The following NRG3 variants were observed in gnomAD, a reference collection of about 807,000 sequenced individuals.
NRG3 encodes the protein pro-neuregulin-3, membrane-bound isoform.
In NRG3, 31 loss-of-function variants were observed where a neutral mutation model predicts 66.9. The ratio of observed to expected loss-of-function variants is 0.46; its 90% CI spans 0.35 to 0.63. The LOEUF is 0.63. NRG3 is among the 20% of genes least tolerant of loss of function. NRG3 has a pLI of 0.00. For missense variants in NRG3, 910 were observed against 878.9 expected, an observed-to-expected ratio of 1.04 and a Z score of -0.45; for synonymous variants, 393 against 359.4, an observed-to-expected ratio of 1.09 and a Z score of -1.06.
At chr10:82,139,027 C>A (rs1029917976) in intron 1 of NRG3, among the ~76,000 whole-genome samples, 2 of 152,240 alleles carry the variant, frequency 1.3e-5, no homozygotes, top group East Asian at 3.9e-4. Flanking sequence ...ATCTTTCAAT[C>A]CAATCAAGTT....
intron 3 of NRG3, among the ~76,000 whole-genome samples, chr10:82,744,436 C>T (rs566700541): frequency 6.6e-6 from 1 of 152,266 alleles, no homozygotes; most frequent in African/African-American, 2.4e-5. Context: ...GAAGGCATGA[C>T]ACAACTCTCT....
chr10:82,095,956 T>A (rs1564557052), intron 1 of NRG3, among the ~76,000 whole-genome samples: 2 of 152,096 alleles, frequency 1.3e-5, no homozygotes, highest in Admixed American at 6.6e-5. Flanking sequence ...ATAAGTCTCA[T>A]ATGCAAATAA....
At chr10:82,828,597 C>A (rs2062361236) in intron 3 of NRG3, among the ~76,000 whole-genome samples, 1 of 152,130 alleles carries the variant, frequency 6.6e-6, no homozygotes, top group African/African-American at 2.4e-5. Flanking sequence ...CTTGCAGTTA[C>A]AAGAATGGAA....
At chr10:82,658,122 C>T (rs1015977283) in intron 2 of NRG3, among the ~76,000 whole-genome samples, 1 of 152,056 alleles carries the variant, frequency 6.6e-6, no homozygotes, top group African/African-American at 2.4e-5. Flanking sequence ...CCAATATTTT[C>T]CATGAACATA....
chr10:82,437,023 A>G (rs2090175572), intron 2 of NRG3, among the ~76,000 whole-genome samples: 1 of 151,824 alleles, frequency 6.6e-6, no homozygotes, highest in African/African-American at 2.4e-5. Flanking sequence ...CTTGGGGTTG[A>G]TCTTCTCATA....
chr10:82,985,218 C>T lies in NRG3; in HGVS notation c.1704C>T (p.Ser568=), dbSNP rs759817336. The T allele has an allele frequency of 1.2e-6, 2 of 1,614,126 alleles. No individual in the cohort carries two copies. The highest frequency in any genetic ancestry group is 2.2e-5 in the South Asian group (2 of 91,082). The change falls in exon 9 of 9, where the codon TCC becomes TCT. Residue 568 remains serine, a synonymous_variant. Transcript: ENST00000372141. ...LEQKDLVGYS[S]TRASSVPIIP... ...AAAAGGACCTGGTGGGCTATTCATC[C>T]ACAAGGGCCAGTTCTGTGCCCATCA...
At chr10:82,177,585 AT>A (rs74308498) in intron 1 of NRG3, among the ~76,000 whole-genome samples, 1 of 151,932 alleles carries the variant, frequency 6.6e-6, no homozygotes, top group African/African-American at 2.4e-5. Context: ...TCTTAGAATA[AT>A]TTTTTTTGAC....
At chr10:82,873,600 T>A (rs960166863) in intron 4 of NRG3, among the ~76,000 whole-genome samples, 1 of 152,190 alleles carries the variant, frequency 6.6e-6, no homozygotes, top group Admixed American at 6.5e-5. Context: ...GTGTGTGAAA[T>A]GTATCTCATT....
intron 1 of NRG3, among the ~76,000 whole-genome samples, chr10:82,013,694 T>G (rs2061673172): frequency 6.6e-6 from 1 of 151,992 alleles, no homozygotes; most frequent in Admixed American, 6.6e-5. Context: ...AATGTGTTTA[T>G]AGAATTTTAA....
intron 2 of NRG3, among the ~76,000 whole-genome samples, chr10:82,639,591 A>T (rs1300205250): frequency 1.3e-5 from 2 of 152,136 alleles, no homozygotes; most frequent in Non-Finnish European, 2.9e-5. Flanking sequence ...TTCTTTTCTA[A>T]TTTTCATTGA....
chr10:82,362,464 C>G (rs189999713), intron 2 of NRG3, among the ~76,000 whole-genome samples: 126 of 150,322 alleles, frequency 8.4e-4, no homozygotes, highest in African/African-American at 3.0e-3. Context: ...GCCTCAATCT[C>G]CTGAGCTCAG....
chr10:82,277,538 A>T (rs1336961765), intron 1 of NRG3, among the ~76,000 whole-genome samples: 1 of 152,104 alleles, frequency 6.6e-6, no homozygotes, highest in Non-Finnish European at 1.5e-5. Context: ...ATAAGGGAAT[A>T]TGGTAAAATT....
At chr10:82,798,029 A>G (rs2060875213) in intron 3 of NRG3, among the ~76,000 whole-genome samples, 1 of 152,206 alleles carries the variant, frequency 6.6e-6, no homozygotes, top group South Asian at 2.1e-4. Flanking sequence ...ATTATCCTCT[A>G]GAAGTGTATT....
intron 1 of NRG3, among the ~76,000 whole-genome samples, chr10:81,987,528 A>C (rs999312129): frequency 6.6e-6 from 1 of 152,244 alleles, no homozygotes; most frequent in African/African-American, 2.4e-5. Flanking sequence ...GAGAAATGAC[A>C]GTCAAGAGTG....
chr10:82,886,293 C>A (rs1406180021), intron 4 of NRG3, among the ~76,000 whole-genome samples: 1 of 152,170 alleles, frequency 6.6e-6, no homozygotes, highest in Non-Finnish European at 1.5e-5. Context: ...ATTTCCCTTA[C>A]TCATTTATCT....
intron 3 of NRG3, among the ~76,000 whole-genome samples, chr10:82,811,455 T>G (rs1327567864): frequency 1.3e-5 from 2 of 152,200 alleles, no homozygotes; most frequent in Non-Finnish European, 2.9e-5. Context: ...TTGTTTCTCC[T>G]GCAATGGTGA....
intron 3 of NRG3, among the ~76,000 whole-genome samples, chr10:82,803,352 G>A (rs1366458507): frequency 6.6e-6 from 1 of 152,274 alleles, no homozygotes; most frequent in East Asian, 1.9e-4. Context: ...GCGCTTATTT[G>A]TGTGGGACTC....
At chr10:82,250,967 T>C (rs1423007570) in intron 1 of NRG3, among the ~76,000 whole-genome samples, 1 of 152,232 alleles carries the variant, frequency 6.6e-6, no homozygotes, top group African/African-American at 2.4e-5. Context: ...GACAACGTTC[T>C]GGCTTGCAAG....
At chr10:82,313,699 A>G (rs1024674211) in intron 1 of NRG3, among the ~76,000 whole-genome samples, 3 of 152,050 alleles carry the variant, frequency 2.0e-5, no homozygotes, top group Non-Finnish European at 4.4e-5. Context: ...GTTTCCAACT[A>G]TGTCAGGGCC....
Sources: allele counts gnomAD v4.1 joint callset (sites outside exome capture counted in the v4.1 genomes callset), GRCh38; gene constraint gnomAD v4.1.1; transcripts MANE v1.5; gene names NCBI Gene and HGNC (gene_info 2026-07-23, HGNC 2026-07-21).